The following PRSS55 variants were observed in gnomAD, a reference collection of about 807,000 sequenced individuals.
PRSS55 encodes the protein probable serine protease UNQ9391/PRO34284.
In PRSS55, 41 loss-of-function variants were observed where a neutral mutation model predicts 23.6. That is an observed-to-expected ratio of 1.74 (90% CI 1.35 to 2.26). The LOEUF (loss-of-function observed/expected upper bound fraction) is 2.26. Ranked by LOEUF, PRSS55 falls within the 30% of genes most tolerant of loss-of-function variation. PRSS55 has a pLI of 0.00. For missense variants in PRSS55, 669 were observed against 439.1 expected, an observed-to-expected ratio of 1.52 and a Z score of -4.68; for synonymous variants, 262 against 175.5, an observed-to-expected ratio of 1.49 and a Z score of -3.90.
intron 4 of PRSS55, among the ~76,000 whole-genome samples, chr8:10,544,662 A>T (rs902873963): frequency 3.9e-5 from 6 of 152,130 alleles, no homozygotes; most frequent in African/African-American, 1.4e-4. Flanking sequence ...AATGATGCTA[A>T]TTATATTTTT....
In PRSS55 at chr8:10,533,009, G is replaced by C. The variant is rs1280963049; in HGVS notation, c.702G>C (p.Leu234=). Residue 234 remains leucine (L), a synonymous_variant, in exon 4 of 5, where the codon CTG becomes CTC. Transcript: ENST00000328655. ...KMFPKLTKNM[L]CAGYKNESYD... The stretch of plus-strand genomic sequence containing the variant: ...TTCCAAAACTTACCAAAAATATGCT[G>C]TGTGCCGGATACAAGAATGAGAGCT... 2.5e-6 allele frequency: 4 copies of C among 1,614,212 alleles called. No individual in the cohort carries two copies. Among genetic ancestry groups the C allele is most frequent in the Admixed American group, 1.7e-5 (1 of 60,024 alleles).
intron 4 of PRSS55, among the ~76,000 whole-genome samples, chr8:10,551,839 C>A (rs932390973): frequency 7.2e-5 from 11 of 152,204 alleles, no homozygotes; most frequent in African/African-American, 2.7e-4. Flanking sequence ...CTCCAGATTC[C>A]CTGTGCTTTC....
At position 10,525,569 on chromosome 8, in the gene PRSS55, C is replaced by T. The variant is rs1184868983; in HGVS notation, c.-17C>T. Reference sequence around the variant, plus strand: ...CTGGCCTCTGTCACCCCCGGGCCCACAGCACAGCCCAGGGCCATGCTCCTG... The same window carrying T: ...CTGGCCTCTGTCACCCCCGGGCCCATAGCACAGCCCAGGGCCATGCTCCTG... On this transcript the variant is annotated 5_prime_UTR_variant, in exon 1 of 5. Coordinates refer to ENST00000328655, the MANE Select transcript of PRSS55 (RefSeq NM_198464.4). 1.2e-6 allele frequency: 2 copies of T among 1,608,008 alleles called. No homozygotes were observed. Among genetic ancestry groups the T allele is most frequent in the Non-Finnish European group, 8.5e-7 (1 of 1,175,574 alleles).
chr8:10,532,796 G>C (rs117590239), intron 3 of PRSS55, 110 bp from the exon 4 acceptor site: 3 of 1,374,598 alleles, frequency 2.2e-6, no homozygotes, highest in Admixed American at 4.0e-5. Flanking sequence ...GCCTGTGAAG[G>C]AAGGGGATGG....
intron 2 of PRSS55, among the ~76,000 whole-genome samples, 165 bp from the exon 3 acceptor site, chr8:10,531,130 T>C (rs181904273): frequency 7.0e-6 from 1 of 142,220 alleles, no homozygotes; most frequent in East Asian, 2.1e-4. Flanking sequence ...TTGTTTTGTT[T>C]TTTCCTACCT....
intron 4 of PRSS55, chr8:10,545,153 C>T (rs1177612254): frequency 4.4e-6 from 1 of 229,684 alleles, no homozygotes; most frequent in Non-Finnish European, 7.2e-6. Context: ...AATTGAACTA[C>T]TCGAAAAATG....
Position 10,538,809 on chromosome 8 carries a change from T to G in PRSS55, c.*16T>G. 2.6e-6 allele frequency: 4 copies of G among 1,533,102 alleles called. No homozygotes were observed. Among genetic ancestry groups the G allele is most frequent in the Non-Finnish European group, 3.5e-6 (4 of 1,142,180 alleles). 95.0% of individuals were successfully genotyped at this position (1,533,102 alleles called of 1,614,324 possible). On this transcript the variant is annotated 3_prime_UTR_variant, in exon 5 of 5. Transcript: ENST00000328655. ...TTTGTACTGATAATAAAATAGAGGC[T>G]ATTCTTTCAACCGAGGGAGGGTGCA...
intron 4 of PRSS55, among the ~76,000 whole-genome samples, chr8:10,550,951 C>G (rs1187446255): frequency 6.6e-6 from 1 of 152,212 alleles, no homozygotes; most frequent in Non-Finnish European, 1.5e-5. Flanking sequence ...ATCAATTACT[C>G]CCACTAAAAC....
Position 10,525,755 on chromosome 8 carries a change from G to A in PRSS55, c.154+16G>A. On this transcript the variant is annotated intron_variant, in intron 1 of 4. Coordinates refer to ENST00000328655, the MANE Select transcript of PRSS55 (RefSeq NM_198464.4). Reference sequence around the variant, plus strand: ...CCAGTCAGTGGTGAGTACAGGGGCAGAAGGGGCATGGATGGGGGCTCATGG... The same window carrying A: ...CCAGTCAGTGGTGAGTACAGGGGCAAAAGGGGCATGGATGGGGGCTCATGG... The A allele has an allele frequency of 2.5e-6, 4 of 1,579,892 alleles. No individual in the cohort carries two copies. The highest frequency in any genetic ancestry group is 2.3e-5 in the East Asian group (1 of 43,086).
intron 2 of PRSS55, 120 bp downstream of exon 2, chr8:10,529,819 G>A: frequency 2.0e-6 from 2 of 1,011,944 alleles, no homozygotes; most frequent in Non-Finnish European, 3.0e-6. Flanking sequence ...CAGTCGGCAT[G>A]AATGGCTCCC....
At chr8:10,539,377 G>A (rs575760369), downstream of PRSS55, among the ~76,000 whole-genome samples, 137 of 152,312 alleles carry the variant, frequency 9.0e-4, no homozygotes, top group African/African-American at 3.2e-3. Context: ...CCACCACGCT[G>A]CCCAGGCAGC....
chr8:10,545,580 G>C (rs987988987), intron 4 of PRSS55, among the ~76,000 whole-genome samples: 1 of 152,124 alleles, frequency 6.6e-6, no homozygotes, highest in Admixed American at 6.5e-5. Flanking sequence ...TTCCCTACGA[G>C]ACCCAGACTT....
rs574615058 is a variant in PRSS55, at chr8:10,537,275, C to T, written c.742-1201C>T. 4.3e-4 allele frequency among the ~76,000 whole-genome samples: 66 copies of T among 152,250 alleles called. No homozygotes were observed. The South Asian group carries it at 4.8e-3, about 11-fold the overall frequency. On this transcript the variant is annotated intron_variant, in intron 4 of 4. Transcript: ENST00000328655. ...GATAAAGAAAATTAGGCAGTATACA[C>T]GACGGAATATTATTCAGCCATAAAA...
At chr8:10,538,366 G>T in intron 4 of PRSS55, 110 bp from the exon 5 acceptor site, 1 of 832,638 alleles carries the variant, frequency 1.2e-6, no homozygotes, top group Non-Finnish European at 1.9e-6. Context: ...GGGGTGGGTT[G>T]GCAGCCAGAG....
chr8:10,531,721 C>G, intron 3 of PRSS55, 176 bp downstream of exon 3: 1 of 802,640 alleles, frequency 1.2e-6, no homozygotes, highest in East Asian at 2.7e-5. Flanking sequence ...AGGTGAGACA[C>G]CAGGTCTGAG....
intron 1 of PRSS55, among the ~76,000 whole-genome samples, chr8:10,526,060 C>G (rs1753708140): frequency 6.6e-6 from 1 of 152,158 alleles, no homozygotes; most frequent in African/African-American, 2.4e-5. Flanking sequence ...CCCATCAGCA[C>G]CAGGCTTCCA....
chr8:10,543,131 C>T (rs1008305026), downstream of PRSS55, among the ~76,000 whole-genome samples: 2 of 152,072 alleles, frequency 1.3e-5, no homozygotes, highest in African/African-American at 4.8e-5. Context: ...AACCCAGGGC[C>T]TCAGGATGTC....
intron 3 of PRSS55, among the ~76,000 whole-genome samples, chr8:10,532,181 G>C (rs1057447242): frequency 3.3e-5 from 5 of 152,184 alleles, no homozygotes; most frequent in African/African-American, 9.7e-5. Context: ...GCGAGCCTGG[G>C]CCTGGACAAC....
intron 4 of PRSS55, among the ~76,000 whole-genome samples, chr8:10,534,569 A>C (rs1348221797): frequency 1.3e-5 from 2 of 152,158 alleles, no homozygotes; most frequent in African/African-American, 4.8e-5. Context: ...ACATACCTCA[A>C]AATAATAAGA....
Sources: allele counts gnomAD v4.1 joint callset (sites outside exome capture counted in the v4.1 genomes callset), GRCh38; gene constraint gnomAD v4.1.1; transcripts MANE v1.5; gene names NCBI Gene and HGNC (gene_info 2026-07-23, HGNC 2026-07-21).